Variants in CHD6 observed in about 807,000 individuals in gnomAD.
CHD6 encodes the protein chromodomain helicase DNA binding protein 6, also known as ATP-dependent chromatin remodeler CHD6.
A neutral mutation model predicts 276.9 loss-of-function variants in CHD6; 50 were observed. That is an observed-to-expected ratio of 0.18 (90% CI 0.14 to 0.23). The LOEUF is 0.23. Ranked by LOEUF, CHD6 falls within the 10% of genes least tolerant of loss-of-function variation. The probability of loss-of-function intolerance (pLI) is 1.00; values close to 1 mark genes in which losing one functional copy is unlikely to be tolerated. For synonymous variants in CHD6, 1,173 were observed against 1,229.3 expected (o/e 0.95, Z 0.96); for missense variants, 2,564 against 3,365.8 (o/e 0.76, Z 5.89).
At chr20:41,454,803 T>C (rs2048335845) in intron 19 of CHD6, 67 bp from the exon 20 acceptor site, 2 of 1,083,130 alleles carry the variant, frequency 1.8e-6, no homozygotes, top group Admixed American at 4.1e-5. Flanking sequence ...ACACCAGTGT[T>C]ACTTCAAGAG....
At chr20:41,565,686 C>T (rs2045347915) in intron 1 of CHD6, among the ~76,000 whole-genome samples, 1 of 132,566 alleles carries the variant, frequency 7.5e-6, no homozygotes, top group Admixed American at 7.5e-5. Context: ...TCCAATTCGG[C>T]TCTCTTAGTA....
chr20:41,445,567 A>G, intron 25 of CHD6, 98 bp downstream of exon 25: 1 of 701,786 alleles, frequency 1.4e-6, no homozygotes, highest in South Asian at 1.7e-5. Context: ...AGAATGATAG[A>G]GTTTTGCAGG....
In CHD6 at chr20:41,488,608, A is replaced by T; in HGVS notation, c.1681-4T>A. On this transcript the variant is annotated splice_polypyrimidine_tract_variant and splice_region_variant and intron_variant, in intron 12 of 36. Coordinates refer to ENST00000373233, the MANE Select transcript of CHD6 (RefSeq NM_032221.5). ...AGACTCCTGAAAGGGGGTTTCCCTG[A>T]GGATGACACAACCAAAGTCAAAGCT... 1 of 1,611,360 alleles carries T rather than the reference A, an allele frequency of 6.2e-7. No individual in the cohort carries two copies. Among genetic ancestry groups the T allele is most frequent in the African/African-American group, 1.3e-5 (1 of 74,868 alleles).
chr20:41,487,891 T>C lies in CHD6; in HGVS notation c.1858-83A>G, dbSNP rs565831885. Reference sequence around the variant, plus strand: ...TCGTGGGGAAAATTAAGCCAGGGCATTGAGTGCTCAATTTGGGGCAATTCT... The same window carrying C: ...TCGTGGGGAAAATTAAGCCAGGGCACTGAGTGCTCAATTTGGGGCAATTCT... On this transcript the variant is annotated intron_variant, in intron 13 of 36. Coordinates refer to ENST00000373233, the MANE Select transcript of CHD6 (RefSeq NM_032221.5). The C allele has an allele frequency of 7.0e-6, 10 of 1,437,836 alleles. No individual in the cohort carries two copies. In the African/African-American group the frequency reaches 1.5e-4, roughly 21 times the overall value. The allele number at this position is 1,437,836 out of a possible 1,614,324, so 89.1% of individuals were successfully genotyped here.
chr20:41,587,941 T>C (rs971760364), intron 1 of CHD6, among the ~76,000 whole-genome samples: 4 of 151,990 alleles, frequency 2.6e-5, no homozygotes, highest in African/African-American at 9.7e-5. Flanking sequence ...TGAGAAGTCA[T>C]GAAATTCAGA....
intron 17 of CHD6, among the ~76,000 whole-genome samples, chr20:41,459,709 C>T (rs963627023): frequency 6.6e-6 from 1 of 152,206 alleles, no homozygotes; most frequent in Non-Finnish European, 1.5e-5. Flanking sequence ...TGAGGCCTCC[C>T]CAGCCATGTG....
intron 1 of CHD6, among the ~76,000 whole-genome samples, chr20:41,594,264 A>G (rs1187336060): frequency 2.0e-5 from 3 of 152,202 alleles, no homozygotes; most frequent in Non-Finnish European, 2.9e-5. Flanking sequence ...ACCATATGCT[A>G]AAGTGGTCAC....
chr20:41,593,482 C>A (rs1194880212), intron 1 of CHD6, among the ~76,000 whole-genome samples: 3 of 152,218 alleles, frequency 2.0e-5, no homozygotes, highest in Non-Finnish European at 4.4e-5. Flanking sequence ...AGGGGTCCCA[C>A]ATGACTTTGG....
At chr20:41,531,408 C>CCCAAAGTACCACTTCAGTTCCT (rs2044681898) in intron 3 of CHD6, among the ~76,000 whole-genome samples, 4 of 152,138 alleles carry the variant, frequency 2.6e-5, no homozygotes, top group Non-Finnish European at 4.4e-5. Context: ...ATGCTATTAT[C>CCCAAAGTACCACTTCAGTTCCT]CCAAAGTACC....
intron 1 of CHD6, among the ~76,000 whole-genome samples, chr20:41,609,344 G>A (rs1319433589): frequency 1.3e-5 from 2 of 152,166 alleles, no homozygotes; most frequent in Non-Finnish European, 2.9e-5. Flanking sequence ...AAGAAAGTCA[G>A]ACAAAAAAGC....
intron 2 of CHD6, 54 bp from the exon 3 acceptor site, chr20:41,533,624 AAG>A (rs1033371664): frequency 6.8e-7 from 1 of 1,465,202 alleles, no homozygotes; most frequent in Non-Finnish European, 9.2e-7. Flanking sequence ...GCTTCAGACA[AAG>A]AGAGTTACCC....
chr20:41,591,377 T>TACACACACACAC (rs879822257), intron 1 of CHD6, among the ~76,000 whole-genome samples: 84 of 122,940 alleles, frequency 6.8e-4, no homozygotes, highest in South Asian at 4.3e-3. Context: ...TATATATATA[T>TACACACACACAC]ATACACACAC....
At chr20:41,497,362 G>C (rs1601010167) in intron 8 of CHD6, 22 bp downstream of exon 8, 1 of 1,413,446 alleles carries the variant, frequency 7.1e-7, no homozygotes, top group Admixed American at 1.7e-5. Flanking sequence ...GCAGTCAAAT[G>C]AGTCAGTAAA....
chr20:41,492,513 G>A (rs1029476586), intron 10 of CHD6, among the ~76,000 whole-genome samples: 2 of 152,194 alleles, frequency 1.3e-5, no homozygotes, highest in African/African-American at 4.8e-5. Flanking sequence ...ATAAGGAACT[G>A]GATAACAGTT....
Position 41,452,522 on chromosome 20 carries a change from T to A in CHD6, c.3323+218A>T, listed in dbSNP as rs889094899. On this transcript the variant is annotated intron_variant, in intron 21 of 36. Transcript: ENST00000373233. The surrounding 1 kb of genome is among the most constrained non-coding windows in gnomAD (Gnocchi z 4.2). ...CCAGAGATTTGTTGTGACAGGCATA[T>A]GAGAAAATCATGGCATGTCTGCATT... 6.6e-6 allele frequency among the ~76,000 whole-genome samples: 1 copy of A among 152,140 alleles called. No individual in the cohort carries two copies. The highest frequency in any genetic ancestry group is 1.5e-5 in the Non-Finnish European group (1 of 68,016).
In CHD6 at chr20:41,439,902, T is replaced by C. The variant is rs188016707; in HGVS notation, c.4007+98A>G. 3,088 of 1,275,294 alleles carry C rather than the reference T, an allele frequency of 2.4e-3. 37 individuals carry two copies. The highest frequency in any genetic ancestry group is 0.02 in the Middle Eastern group (73 of 3,650). The allele number at this position is 1,275,294 out of a possible 1,614,324, so 79.0% of individuals were successfully genotyped here. On this transcript the variant is annotated intron_variant, in intron 26 of 36. Transcript: ENST00000373233. ...TGGCAAGGTGTAGGGAGATGCCAGA[T>C]GCTGAGGAAGAGATAAAGAGTGCTG...
chr20:41,601,820 A>G (rs1324953513), intron 1 of CHD6, among the ~76,000 whole-genome samples: 1 of 152,236 alleles, frequency 6.6e-6, no homozygotes, highest in Non-Finnish European at 1.5e-5. Context: ...TGAGCACTCA[A>G]TAAATGTTTG....
At chr20:41,602,533 G>A (rs966994280) in intron 1 of CHD6, among the ~76,000 whole-genome samples, 1 of 152,150 alleles carries the variant, frequency 6.6e-6, no homozygotes, top group Non-Finnish European at 1.5e-5. Context: ...GTTCAAGGCT[G>A]GGTGCTGGCC....
intron 27 of CHD6, among the ~76,000 whole-genome samples, chr20:41,430,009 ACT>A (rs1354154496): frequency 1.3e-5 from 2 of 152,168 alleles, no homozygotes; most frequent in Admixed American, 1.3e-4. Context: ...GGCTTCTTTA[ACT>A]CTGCCTGAGG....
Sources: gnomAD v4.1 joint callset for allele counts (sites outside exome capture counted in the v4.1 genomes callset) on GRCh38, gnomAD v4.1.1 for gene constraint, Gnocchi (gnomAD v3.1) non-coding constraint, MANE v1.5 for transcripts, NCBI Gene and HGNC (gene_info 2026-07-23, HGNC 2026-07-21) for gene names.